The following TRAK1 variants were observed in gnomAD, a reference collection of about 807,000 sequenced individuals.
TRAK1 encodes trafficking kinesin-binding protein 1.
Under a neutral mutation model 92.1 loss-of-function variants are expected in TRAK1, and 33 were observed. The observed-to-expected ratio is 0.36, with a 90% CI of 0.27 to 0.48. The LOEUF (loss-of-function observed/expected upper bound fraction) is 0.48, where lower values mean the gene tolerates loss of function less well. TRAK1 is among the 20% of genes least tolerant of loss of function. The probability of loss-of-function intolerance (pLI) is 0.99; values close to 1 mark genes in which losing one functional copy is unlikely to be tolerated. For synonymous variants in TRAK1, 521 were observed against 517.3 expected, an observed-to-expected ratio of 1.01 and a Z score of -0.10; for missense variants, 1,123 against 1,257.9, an observed-to-expected ratio of 0.89 and a Z score of 1.62.
chr3:42,139,225 G>A (rs1698366190), intron 2 of TRAK1, among the ~76,000 whole-genome samples: 1 of 152,138 alleles, frequency 6.6e-6, no homozygotes, highest in African/African-American at 2.4e-5. Context: ...GGGCCATTTT[G>A]TTTACAGGCA....
Position 42,223,705 on chromosome 3 carries a change from G to C in TRAK1, c.2830G>C (p.Ala944Pro), listed in dbSNP as rs746855498. Residue 944 changes from alanine (A) to proline (P), a missense_variant, in exon 16 of 16, where the codon GCT becomes CCT. Physicochemically the swap from Ala to Pro is conservative, Grantham distance 27. Transcript: ENST00000327628. The surrounding 1 kb of genome is among the most constrained non-coding windows in gnomAD (Gnocchi z 6.1). ...TCTCACCTCGGGCATCTTGATGGGTGCTAAGCTCTCCAAACAAACTAGCTT... is the reference window on the plus strand; with the variant it reads ...TCTCACCTCGGGCATCTTGATGGGTCCTAAGCTCTCCAAACAAACTAGCTT... ...VTLTSGILMG[A>P]KLSKQTSLR is the part of the protein sequence containing the mutation. 2.5e-6 allele frequency: 4 copies of C among 1,609,150 alleles called. No homozygotes were observed. In the South Asian group the frequency reaches 3.3e-5, roughly 13 times the overall value.
rs79573616 is a variant in TRAK1 at position 42,071,250 on chromosome 3, C to T, written c.-518-15854C>T. Reference sequence around the variant, plus strand: ...AGAACTGTTCTCTTCCTCTCCTACCCATGTCCCATATTCCCGGACCTCTTT... The same window carrying T: ...AGAACTGTTCTCTTCCTCTCCTACCTATGTCCCATATTCCCGGACCTCTTT... On this transcript the variant is annotated intron_variant, in intron 1 of 16. Coordinates refer to the TRAK1 transcript ENST00000487159. 7.1e-3 allele frequency among the ~76,000 whole-genome samples: 1,078 copies of T among 152,320 alleles called. 51 individuals are homozygous for T. The East Asian group carries it at 0.13, about 18-fold the overall frequency.
chr3:42,169,143 TTTC>T (rs1218452951), intron 2 of TRAK1, among the ~76,000 whole-genome samples: 5 of 55,478 alleles, frequency 9.0e-5, no homozygotes, highest in East Asian at 4.5e-3. Context: ...ATTTTCTTTC[TTTC>T]TTTTTTTTTT....
chr3:42,144,683 ATT>A (rs36102788), intron 2 of TRAK1, among the ~76,000 whole-genome samples: 3 of 151,512 alleles, frequency 2.0e-5, no homozygotes, highest in Admixed American at 6.6e-5. Flanking sequence ...ATCCTTGTAT[ATT>A]TTTTTTTAAC....
At chr3:42,174,186 G>A (rs1024672337) in intron 2 of TRAK1, among the ~76,000 whole-genome samples, 2 of 151,974 alleles carry the variant, frequency 1.3e-5, no homozygotes, top group Non-Finnish European at 1.5e-5. Flanking sequence ...ACCACGGCTG[G>A]CTAATTTTTG....
At chr3:42,185,353 G>A (rs9311307) in intron 4 of TRAK1, among the ~76,000 whole-genome samples, 105,971 of 152,106 alleles carry the variant, frequency 0.7, 37,413 homozygotes, top group East Asian at 0.98. Context: ...ATAGCCTGTT[G>A]TTTTCATGAT....
chr3:42,176,663 G>A, intron 2 of TRAK1, 151 bp from the exon 3 acceptor site: 1 of 692,010 alleles, frequency 1.4e-6, no homozygotes, highest in Non-Finnish European at 2.6e-6. Flanking sequence ...AAGTCTGGTG[G>A]TGGTGAGTAC....
intron 1 of TRAK1, among the ~76,000 whole-genome samples, chr3:42,100,558 G>A (rs1218895263): frequency 6.6e-6 from 1 of 152,190 alleles, no homozygotes; most frequent in African/African-American, 2.4e-5. Flanking sequence ...AGCCAAGTGT[G>A]GCCATGTTTT....
chr3:42,014,874 C>T (rs1701457084), intron 1 of TRAK1, among the ~76,000 whole-genome samples: 1 of 151,788 alleles, frequency 6.6e-6, no homozygotes, highest in Admixed American at 6.6e-5. Context: ...GTTGTCAATA[C>T]TGTCTGTGAG....
At chr3:42,114,002 G>A (rs1708837750) in intron 1 of TRAK1, among the ~76,000 whole-genome samples, 2 of 151,984 alleles carry the variant, frequency 1.3e-5, no homozygotes, top group Admixed American at 6.5e-5. Flanking sequence ...CTTTCCCTTA[G>A]CCTCTGCCAG....
At chr3:42,086,827 T>G (rs923057605), upstream of TRAK1, among the ~76,000 whole-genome samples, 5 of 152,196 alleles carry the variant, frequency 3.3e-5, no homozygotes, top group Non-Finnish European at 4.4e-5. Flanking sequence ...TGTGCTCCAG[T>G]GTGTTTCTTT....
chr3:42,083,359 G>A (rs969187636), upstream of TRAK1, among the ~76,000 whole-genome samples: 15 of 152,094 alleles, frequency 9.9e-5, no homozygotes, highest in East Asian at 3.9e-4. Context: ...AAGTGTTCCC[G>A]GTTTAATTTC....
rs1709994082 is a variant in TRAK1, at chr3:42,218,731, C to G, written c.1964-763C>G. On this transcript the variant is annotated intron_variant, in intron 14 of 15. Coordinates refer to ENST00000327628, the MANE Select transcript of TRAK1 (RefSeq NM_001042646.3). ...ACATTAAAAGGAAGTAAATTGAGAA[C>G]AACTTGTTGCCATCCCATTTTCATT... 3.0e-6 allele frequency: 3 copies of G among 985,360 alleles called. No homozygotes were observed. In the South Asian group the frequency reaches 1.4e-4, roughly 46 times the overall value. The allele number at this position is 985,360 out of a possible 1,614,324, so 61.0% of individuals were successfully genotyped here.
chr3:42,118,302 G>A (rs983016663), intron 1 of TRAK1, among the ~76,000 whole-genome samples: 1 of 151,632 alleles, frequency 6.6e-6, no homozygotes, highest in African/African-American at 2.4e-5. Flanking sequence ...ATGTTGGCCA[G>A]GCTGGTTTTG....
At chr3:42,123,442 T>TCCCTGG (rs753262751) in intron 1 of TRAK1, among the ~76,000 whole-genome samples, 29 of 151,968 alleles carry the variant, frequency 1.9e-4, no homozygotes, top group Non-Finnish European at 3.7e-4. Context: ...CTGCAGTGAA[T>TCCCTGG]CCCTGGCCCT....
chr3:42,021,962 A>G (rs924310485), intron 1 of TRAK1, among the ~76,000 whole-genome samples: 1 of 152,152 alleles, frequency 6.6e-6, no homozygotes, highest in Non-Finnish European at 1.5e-5. Context: ...TATTGTTTTT[A>G]CTGAACTCCT....
chr3:42,212,421 A>G, intron 14 of TRAK1: 5 of 985,462 alleles, frequency 5.1e-6, no homozygotes, highest in Non-Finnish European at 6.0e-6. Context: ...GAAAACTTGT[A>G]TGCTAGGCAC....
intron 2 of TRAK1, among the ~76,000 whole-genome samples, chr3:42,174,973 A>G (rs11129944): frequency 0.77 from 117,089 of 151,916 alleles, 45,428 homozygotes; most frequent in East Asian, 0.99. Flanking sequence ...AAATTTGAGT[A>G]TTATCTCTAA....
intron 1 of TRAK1, among the ~76,000 whole-genome samples, chr3:42,072,963 G>A (rs780637998): frequency 1.3e-5 from 2 of 152,134 alleles, no homozygotes; most frequent in African/African-American, 2.4e-5. Context: ...CCTTAAAAGT[G>A]GCATTTATTT....
Sources: gnomAD v4.1 joint callset for allele counts (sites outside exome capture counted in the v4.1 genomes callset) on GRCh38, gnomAD v4.1.1 for gene constraint, Gnocchi (gnomAD v3.1) non-coding constraint, MANE v1.5 for transcripts, NCBI Gene and HGNC (gene_info 2026-07-23, HGNC 2026-07-21) for gene names.